GTF3C1: variants seen among roughly 807,000 people sequenced by gnomAD.
GTF3C1 encodes the protein general transcription factor 3C polypeptide 1.
A neutral mutation model predicts 226.7 loss-of-function variants in GTF3C1; 57 were observed. The ratio of observed to expected loss-of-function variants is 0.25; its 90% CI spans 0.20 to 0.31. GTF3C1 has a LOEUF of 0.31. Ranked by LOEUF, GTF3C1 falls within the 10% of genes least tolerant of loss-of-function variation. The pLI, the probability that GTF3C1 is intolerant of heterozygous loss-of-function variation, is 1.00. For synonymous variants in GTF3C1, 1,090 were observed against 1,084.8 expected, an observed-to-expected ratio of 1.00 and a Z score of -0.09; for missense variants, 2,217 against 2,776.1, an observed-to-expected ratio of 0.80 and a Z score of 4.53.
chr16:27,492,758 C>T lies in GTF3C1; in HGVS notation c.2877-45G>A, dbSNP rs753398750. Reference sequence around the variant, plus strand: ...GGAGGTTCTCATCACACCACACTCGCAGCCGGCCGCAGGGGTCTGCATGTG... The same window carrying T: ...GGAGGTTCTCATCACACCACACTCGTAGCCGGCCGCAGGGGTCTGCATGTG... On this transcript the variant is annotated intron_variant, in intron 17 of 36. Coordinates refer to ENST00000356183, the MANE Select transcript of GTF3C1 (RefSeq NM_001520.4). This position sits in a 1 kb window ranked among gnomAD's most constrained non-coding sequence, Gnocchi z 5.0. 2.0e-6 allele frequency: 2 copies of T among 1,023,540 alleles called. No homozygotes were observed. The highest frequency in any genetic ancestry group is 2.5e-5 in the South Asian group (2 of 79,396). 63.4% of individuals were successfully genotyped at this position (1,023,540 alleles called of 1,614,324 possible). A position where few individuals can be genotyped will look rare whatever the true frequency, so the allele number is the denominator to read the frequency against.
rs138123186 is a variant in GTF3C1, at chr16:27,506,934, G to A, written c.1465C>T (p.Arg489Trp). 2.2e-5 allele frequency: 35 copies of A among 1,613,656 alleles called. No homozygotes were observed. The highest frequency in any genetic ancestry group is 2.7e-5 in the Non-Finnish European group (32 of 1,179,830). Residue 489 changes from arginine (R) to tryptophan (W), a missense_variant, in exon 9 of 37, where the codon CGG becomes TGG. Arg to Trp is a moderately radical substitution (Grantham distance 101). Around this residue, in one of 12 missense-constraint regions of GTF3C1, gnomAD observed 173 missense variants for 207.2 expected, o/e 0.83. Transcript: ENST00000356183. ...DSEEERSSSK[R>W]RGRGSQKDTR... ...TCTTTCTGGGACCCTCTGCCTCTCC[G>A]CTTGCTGCTGCTCCTCTCCTCCTCA...
At chr16:27,489,789 A>G (rs1193298987) in intron 19 of GTF3C1, 46 bp from the exon 20 acceptor site, 1 of 1,586,484 alleles carries the variant, frequency 6.3e-7, no homozygotes, top group East Asian at 2.3e-5. Context: ...TTCCTGCTGC[A>G]GCTCTGGTGG....
intron 25 of GTF3C1, 66 bp downstream of exon 25, chr16:27,484,145 C>T: frequency 8.2e-7 from 1 of 1,212,334 alleles, no homozygotes. Flanking sequence ...CACTTCCCAC[C>T]AGACTCTTAA....
chr16:27,465,159 G>T, intron 33 of GTF3C1, 101 bp downstream of exon 33: 1 of 1,065,534 alleles, frequency 9.4e-7, no homozygotes, highest in Non-Finnish European at 1.4e-6. Context: ...AAAGAACGCA[G>T]CATGCTATGC....
At chr16:27,493,369 C>T (rs936398625) in intron 16 of GTF3C1, 73 bp from the exon 17 acceptor site, 69 of 804,052 alleles carry the variant, frequency 8.6e-5, no homozygotes, top group Non-Finnish European at 1.2e-4. Flanking sequence ...AAAAAGTGCT[C>T]GCCACTATTT....
chr16:27,508,457 C>A (rs1332742713), intron 8 of GTF3C1, 83 bp downstream of exon 8: 5 of 1,092,142 alleles, frequency 4.6e-6, no homozygotes, highest in Non-Finnish European at 5.6e-6. Flanking sequence ...GCCATCGAGT[C>A]TTCTGACTGA....
chr16:27,512,847 T>C (rs2088596401), intron 6 of GTF3C1, among the ~76,000 whole-genome samples: 1 of 152,192 alleles, frequency 6.6e-6, no homozygotes, highest in Non-Finnish European at 1.5e-5. Context: ...AGGGGTTGAA[T>C]AACTTGTCCA....
chr16:27,536,853 G>A (rs556571294), intron 4 of GTF3C1, among the ~76,000 whole-genome samples: 2 of 152,260 alleles, frequency 1.3e-5, no homozygotes, highest in East Asian at 1.9e-4. Context: ...CCACAAAAAA[G>A]GGCATGAGGT....
chr16:27,537,829 T>G lies in GTF3C1; in HGVS notation c.707A>C (p.Gln236Pro), dbSNP rs776273120. The change falls in exon 4 of 37, where the codon CAG (glutamine) becomes CCG (proline). Residue 236 changes from glutamine to proline, a missense_variant. By Grantham distance (76) the Gln-to-Pro change is moderately conservative (BLOSUM62 -1). Around this residue, in one of 12 missense-constraint regions of GTF3C1, gnomAD observed 163 missense variants for 234.3 expected, o/e 0.70. Coordinates refer to ENST00000356183, the MANE Select transcript of GTF3C1 (RefSeq NM_001520.4). The stretch of plus-strand genomic sequence containing the variant: ...CAGTAGGAGGAGGATTGAGTGTTGC[T>G]GGGCTCCAGTGGGTAATCGGATCAC... ...SHVIRLPTGA[Q>P]QHSILLLLNR... is the part of the protein sequence containing the mutation. The G allele has an allele frequency of 6.8e-6, 11 of 1,612,462 alleles. No individual in the cohort carries two copies. The South Asian group carries it at 1.2e-4, about 18-fold the overall frequency.
chr16:27,515,309 G>A (rs759005255), intron 6 of GTF3C1, among the ~76,000 whole-genome samples: 9 of 152,022 alleles, frequency 5.9e-5, no homozygotes, highest in South Asian at 2.1e-4. Flanking sequence ...AGCTATAGGC[G>A]TTGGAGGTGT....
At chr16:27,518,210 T>C (rs966964281) in intron 6 of GTF3C1, among the ~76,000 whole-genome samples, 3 of 142,718 alleles carry the variant, frequency 2.1e-5, no homozygotes, top group African/African-American at 5.1e-5. Flanking sequence ...CACACACACA[T>C]GCCTGGCCAG....
In GTF3C1 at chr16:27,506,503, C is replaced by T. The variant is rs555406040; in HGVS notation, c.1552+344G>A. 3.3e-5 allele frequency among the ~76,000 whole-genome samples: 5 copies of T among 152,230 alleles called. No individual in the cohort carries two copies. The East Asian group carries it at 9.6e-4, about 29-fold the overall frequency. On this transcript the variant is annotated intron_variant, in intron 9 of 36. Transcript: ENST00000356183. ...GCAAATGTGTCATCAGCACCACTCT[C>T]TATGCATTTAAAAAAAGTTTTCTAT...
rs144139301 is a variant in GTF3C1, at chr16:27,533,406, A to G, written c.753-19T>C. On this transcript the variant is annotated intron_variant, in intron 4 of 36. Coordinates refer to ENST00000356183, the MANE Select transcript of GTF3C1 (RefSeq NM_001520.4). ...GCTCCTCCTGCAAGAAACACCGAGC[A>G]ATTCGTTTTTTCAAACCTGTTGCTG... is the stretch of plus-strand genomic sequence containing the variant. The G allele has an allele frequency of 5.5e-6, 8 of 1,449,060 alleles. No homozygotes were observed. The highest frequency in any genetic ancestry group is 4.6e-5 in the South Asian group (4 of 87,404). The allele number at this position is 1,449,060 out of a possible 1,614,324, so 89.8% of individuals were successfully genotyped here. A position where few individuals can be genotyped will look rare whatever the true frequency, so the allele number is the denominator to read the frequency against.
At chr16:27,514,827 C>T (rs965229618) in intron 6 of GTF3C1, among the ~76,000 whole-genome samples, 2 of 152,172 alleles carry the variant, frequency 1.3e-5, no homozygotes, top group African/African-American at 4.8e-5. Context: ...GGCTCTGGAG[C>T]CCAGGCTCTA....
intron 2 of GTF3C1, among the ~76,000 whole-genome samples, chr16:27,543,130 A>T (rs1196838171): frequency 6.6e-6 from 1 of 152,214 alleles, no homozygotes; most frequent in Non-Finnish European, 1.5e-5. Flanking sequence ...TCACGCCTGT[A>T]ATCCCAGCAC....
Position 27,473,182 on chromosome 16 carries a change from G to A in GTF3C1, c.4354-1262C>T, listed in dbSNP as rs548335623. 3.5e-4 allele frequency among the ~76,000 whole-genome samples: 54 copies of A among 152,322 alleles called. 1 individual carries two copies. The highest frequency in any genetic ancestry group is 5.8e-4 in the African/African-American group (24 of 41,576). On this transcript the variant is annotated intron_variant, in intron 29 of 36. Coordinates refer to ENST00000356183, the MANE Select transcript of GTF3C1 (RefSeq NM_001520.4). Reference sequence around the variant, plus strand: ...CTCCCAAAGTGCTGGGATTACAGGCGTAAGCCACCATGCCTGGCCTAGATT... The same window carrying A: ...CTCCCAAAGTGCTGGGATTACAGGCATAAGCCACCATGCCTGGCCTAGATT...
intron 2 of GTF3C1, among the ~76,000 whole-genome samples, chr16:27,539,820 C>G (rs2089056019): frequency 6.6e-6 from 1 of 152,182 alleles, no homozygotes; most frequent in Non-Finnish European, 1.5e-5. Context: ...TTTCCAGATG[C>G]TGGTGCCATG....
rs1021997187 is a variant in GTF3C1, at chr16:27,462,002, T to A, written c.6117+292A>T. ...GGAAGCAGCTGCACCAGGGGGCAGC[T>A]GCTTGACCCGTGGGGCCCGGCGGAC... On this transcript the variant is annotated intron_variant, in intron 36 of 36. Coordinates refer to ENST00000356183, the MANE Select transcript of GTF3C1 (RefSeq NM_001520.4). The surrounding 1 kb of genome is among the most constrained non-coding windows in gnomAD (Gnocchi z 4.5). The A allele has an allele frequency of 4.7e-6, 2 of 429,410 alleles. No homozygotes were observed. The highest frequency in any genetic ancestry group is 8.4e-6 in the Non-Finnish European group (2 of 238,326). 26.6% of individuals were successfully genotyped at this position (429,410 alleles called of 1,614,324 possible). A position where few individuals can be genotyped will look rare whatever the true frequency, so the allele number is the denominator to read the frequency against.
In GTF3C1 at chr16:27,462,169, G is replaced by C. The variant is rs940864870; in HGVS notation, c.6117+125C>G. The C allele has an allele frequency of 4.5e-6, 3 of 661,926 alleles. No homozygotes were observed. Among genetic ancestry groups the C allele is most frequent in the African/African-American group, 3.6e-5 (2 of 55,610 alleles). 41.0% of individuals were successfully genotyped at this position (661,926 alleles called of 1,614,324 possible). The stretch of plus-strand genomic sequence containing the variant: ...AGAGGCAGGAGCCCAGGACAAGCTG[G>C]GGGAGGAGGTGCAGGCAAGCAGTAT... On this transcript the variant is annotated intron_variant, in intron 36 of 36. Coordinates refer to ENST00000356183, the MANE Select transcript of GTF3C1 (RefSeq NM_001520.4). This position sits in a 1 kb window ranked among gnomAD's most constrained non-coding sequence, Gnocchi z 4.5.
Sources: allele counts gnomAD v4.1 joint callset (sites outside exome capture counted in the v4.1 genomes callset), GRCh38; gene constraint gnomAD v4.1.1; regional missense constraint gnomAD v4.1.1; non-coding constraint Gnocchi (gnomAD v3.1); transcripts MANE v1.5; gene names NCBI Gene and HGNC (gene_info 2026-07-23, HGNC 2026-07-21).